The following CLEC12A variants were observed in gnomAD, a reference collection of about 807,000 sequenced individuals.
CLEC12A encodes the protein C-type lectin protein CLL-1.
Under a neutral mutation model 26.5 loss-of-function variants are expected in CLEC12A, and 22 were observed. The ratio of observed to expected loss-of-function variants is 0.83; its 90% confidence interval spans 0.59 to 1.19. CLEC12A has a LOEUF of 1.19. CLEC12A is among the 50% of genes most tolerant of loss of function. The probability of loss-of-function intolerance (pLI) is 0.00; values close to 1 mark genes in which losing one functional copy is unlikely to be tolerated. For synonymous variants in CLEC12A, 119 were observed against 101.9 expected (o/e 1.17, Z -1.01); for missense variants, 353 against 315.6 (o/e 1.12, Z -0.90).
downstream of CLEC12A, among the ~76,000 whole-genome samples, chr12:9,987,803 C>T (rs1166467831): frequency 1.3e-5 from 2 of 151,470 alleles, no homozygotes; most frequent in African/African-American, 2.4e-5. Context: ...TTCTTTCTTT[C>T]TTTTATTTAT....
chr12:9,995,327 G>A (rs778728271), exon 5 of CLEC12A: 32 of 1,181,060 alleles, frequency 2.7e-5, no homozygotes, highest in Non-Finnish European at 3.6e-5. Flanking sequence ...ATGATAAGAC[G>A]TTGGACAAAA....
upstream of CLEC12A, among the ~76,000 whole-genome samples, chr12:9,970,475 G>A (rs1005292869): frequency 6.6e-6 from 1 of 152,076 alleles, no homozygotes; most frequent in Non-Finnish European, 1.5e-5. Flanking sequence ...GCAATGTCAA[G>A]AAGAATTTTA....
intron 1 of CLEC12A, among the ~76,000 whole-genome samples, chr12:9,964,114 C>A (rs372429878): frequency 6.6e-6 from 1 of 152,038 alleles, no homozygotes; most frequent in Non-Finnish European, 1.5e-5. Context: ...GAGGTAAATA[C>A]GGGGGGAGTA....
In CLEC12A at chr12:9,985,131, C is replaced by T. The variant is rs1007968572; in HGVS notation, c.*105C>T. The T allele has an allele frequency of 1.6e-5, 20 of 1,238,188 alleles. No homozygotes were observed. The highest frequency in any genetic ancestry group is 2.1e-5 in the Non-Finnish European group (20 of 964,694). 76.7% of individuals were successfully genotyped at this position (1,238,188 alleles called of 1,614,324 possible). On this transcript the variant is annotated 3_prime_UTR_variant, in exon 6 of 6. Coordinates refer to ENST00000304361, the MANE Select transcript of CLEC12A (RefSeq NM_138337.6). ...CAATTAGTTGAGTTTGTCTGAAGAC[C>T]TGGGATTTTATCATGCAGATGAAAC...
At chr12:10,003,028 G>A in the CLEC12A span, among the ~76,000 whole-genome samples, 5 of 152,172 alleles carry the variant, frequency 3.3e-5, no homozygotes, top group Non-Finnish European at 7.4e-5. Flanking sequence ...ACAACAAGAT[G>A]TTGACCACTG....
downstream of CLEC12A, among the ~76,000 whole-genome samples, chr12:9,997,995 G>A (rs374033630): frequency 9.6e-4 from 146 of 151,978 alleles, no homozygotes; most frequent in African/African-American, 3.5e-3. Context: ...GAAAAGGGAT[G>A]AAAAAGTTTT....
chr12:9,997,321 C>T (rs776694737), downstream of CLEC12A: 2 of 1,558,698 alleles, frequency 1.3e-6, no homozygotes, highest in East Asian at 2.3e-5. Context: ...TAATTAGAAC[C>T]ATAGAAATGA....
chr12:9,998,170 T>G, downstream of CLEC12A: 1 of 789,022 alleles, frequency 1.3e-6, no homozygotes, highest in Non-Finnish European at 2.2e-6. Context: ...GTAGGACAAC[T>G]GTAGAAGTGA....
At chr12:10,000,935 T>C in the CLEC12A span, among the ~76,000 whole-genome samples, 1 of 152,158 alleles carries the variant, frequency 6.6e-6, no homozygotes, top group African/African-American at 2.4e-5. Context: ...ATCGAATAAA[T>C]AACTGTGACA....
chr12:9,986,184 A>G, downstream of CLEC12A: 1 of 454,162 alleles, frequency 2.2e-6, no homozygotes, highest in South Asian at 1.6e-5. Context: ...GAAGAGATAA[A>G]TAACATTTAC....
chr12:9,987,595 A>C (rs1864797776), downstream of CLEC12A, among the ~76,000 whole-genome samples: 1 of 152,194 alleles, frequency 6.6e-6, no homozygotes, highest in Non-Finnish European at 1.5e-5. Flanking sequence ...TTATGCCTTC[A>C]GCTTTATAGT....
chr12:9,961,709 G>A (rs139178592), intron 1 of CLEC12A, among the ~76,000 whole-genome samples: 65 of 141,562 alleles, frequency 4.6e-4, no homozygotes, highest in African/African-American at 1.7e-3. Flanking sequence ...AATACATAAG[G>A]CCTGTTATTT....
chr12:9,951,379 G>GGT (rs1565542965), intron 1 of CLEC12A: 12 of 702,762 alleles, frequency 1.7e-5, no homozygotes, highest in Middle Eastern at 4.6e-4. Flanking sequence ...TGTGGATACC[G>GGT]ACAGTGGGAA....
Position 9,985,465 on chromosome 12 carries a change from G to T in CLEC12A, c.*439G>T. On this transcript the variant is annotated 3_prime_UTR_variant, in exon 6 of 6. Coordinates refer to ENST00000304361, the MANE Select transcript of CLEC12A (RefSeq NM_138337.6). ...TCCATGGGACTCCCTATGGCTGAAG[G>T]CCTTATGAGTCAAAGGACTTATAGC... 2 of 398,944 alleles carry T rather than the reference G, an allele frequency of 5.0e-6. No homozygotes were observed. Among genetic ancestry groups the T allele is most frequent in the Middle Eastern group, 6.3e-4 (1 of 1,586 alleles). The allele number at this position is 398,944 out of a possible 1,614,324, so 24.7% of individuals were successfully genotyped here.
downstream of CLEC12A, among the ~76,000 whole-genome samples, chr12:9,997,632 C>G (rs1295967209): frequency 1.3e-5 from 2 of 152,064 alleles, no homozygotes; most frequent in African/African-American, 2.4e-5. Context: ...TCTGTGATGC[C>G]AAACTATTCA....
the CLEC12A span, among the ~76,000 whole-genome samples, chr12:10,001,881 CTT>C: frequency 5.2e-5 from 7 of 134,200 alleles, no homozygotes; most frequent in Admixed American, 7.8e-5. Context: ...TAAACAAAAT[CTT>C]TTTTTTTTTT....
At chr12:9,997,307 T>A (rs777577912), downstream of CLEC12A, 32 of 1,582,740 alleles carry the variant, frequency 2.0e-5, no homozygotes, top group Non-Finnish European at 2.7e-5. Flanking sequence ...ATAATAATAA[T>A]TTGTAATTAG....
chr12:9,998,966 AG>A, downstream of CLEC12A: 1 of 884,232 alleles, frequency 1.1e-6, no homozygotes, highest in Non-Finnish European at 1.9e-6. Context: ...TATCAATAGT[AG>A]AAAAAGAAAG....
intron 4 of CLEC12A, chr12:9,991,597 G>T (rs539894264): frequency 6.6e-6 from 1 of 152,140 alleles, no homozygotes; most frequent in East Asian, 1.9e-4. Flanking sequence ...AAAATTTGAG[G>T]TATTTCTATT....
Sources: allele counts gnomAD v4.1 joint callset (sites outside exome capture counted in the v4.1 genomes callset), GRCh38; gene constraint gnomAD v4.1.1; transcripts MANE v1.5; gene names NCBI Gene and HGNC (gene_info 2026-07-23, HGNC 2026-07-21).